The following DMD variants were observed in gnomAD, a reference collection of about 807,000 sequenced individuals.
DMD encodes mutant dystrophin.
Under a neutral mutation model 330.1 loss-of-function variants are expected in DMD, and 63 were observed. The ratio of observed to expected loss-of-function variants is 0.19; its 90% CI spans 0.16 to 0.24. The LOEUF is 0.24. DMD is among the 10% of genes least tolerant of loss of function. The pLI, the probability that DMD is intolerant of heterozygous loss-of-function variation, is 1.00. For missense variants in DMD, 3,344 were observed against 2,684.1 expected (o/e 1.25, Z -5.43); for synonymous variants, 1,223 against 959.8 (o/e 1.27, Z -5.07).
In DMD at chrX:33,268,151, G is replaced by A. The variant is rs144933573; in HGVS notation, c.7+71108C>T. Among the ~76,000 whole-genome samples the A allele has an allele frequency of 3.4e-3, 372 of 109,742 alleles. 2 individuals carry two copies. The highest frequency in any genetic ancestry group is 0.012 in the African/African-American group (353 of 30,102). Reference sequence around the variant, plus strand: ...ATTACAGGCGTCTGCCACCACACCCGGCTAATTTTTGTATTTTTGGTAGAG... The same window carrying A: ...ATTACAGGCGTCTGCCACCACACCCAGCTAATTTTTGTATTTTTGGTAGAG... On this transcript the variant is annotated intron_variant, in intron 1 of 17. Coordinates refer to the DMD transcript ENST00000288447.
rs138111612 is a variant in DMD, at chrX:32,675,018, C to T, written c.960+22852G>A. On this transcript the variant is annotated intron_variant, in intron 9 of 78. Coordinates refer to ENST00000357033, the MANE Select transcript of DMD (RefSeq NM_004006.3). The stretch of plus-strand genomic sequence containing the variant: ...TAATCAACAATCATTCTAATATGTA[C>T]TTATATCATCTTCAGTGCCGAATGT... Among the ~76,000 whole-genome samples, 4 of 111,471 alleles carry T rather than the reference C, an allele frequency of 3.6e-5. No homozygotes were observed. The South Asian group carries it at 1.1e-3, about 31-fold the overall frequency.
intron 2 of DMD, among the ~76,000 whole-genome samples, chrX:32,885,486 T>C (rs1430150003): frequency 9.0e-6 from 1 of 111,676 alleles, no homozygotes; most frequent in African/African-American, 3.2e-5. Context: ...TATATAAATA[T>C]AAAGAAAACA....
At chrX:33,317,434 A>T (rs1344938533) in intron 1 of DMD, among the ~76,000 whole-genome samples, 4 of 112,073 alleles carry the variant, frequency 3.6e-5, no homozygotes, top group African/African-American at 1.3e-4. Flanking sequence ...ATTTTAGAAA[A>T]TAACAGTGTT....
chrX:32,587,599 T>C (rs1202627362), intron 13 of DMD, among the ~76,000 whole-genome samples: 1 of 111,210 alleles, frequency 9.0e-6, no homozygotes, highest in Non-Finnish European at 1.9e-5. Context: ...TTGGGCAGTA[T>C]TTCCTTTTAT....
intron 54 of DMD, 122 bp downstream of exon 54, chrX:31,657,868 C>T (rs983653640): frequency 2.1e-5 from 15 of 708,065 alleles, no homozygotes; most frequent in African/African-American, 1.7e-4. Context: ...TGGTATTTAT[C>T]GTCTTGAACC....
intron 55 of DMD, among the ~76,000 whole-genome samples, chrX:31,578,801 T>C (rs775079398): frequency 1.1e-3 from 124 of 112,220 alleles, no homozygotes; most frequent in African/African-American, 3.8e-3. Flanking sequence ...GAAAAGTCAA[T>C]TGCTATTTAT....
At chrX:31,666,559 T>C (rs1220969001) in intron 53 of DMD, among the ~76,000 whole-genome samples, 2 of 112,200 alleles carry the variant, frequency 1.8e-5, no homozygotes, top group African/African-American at 6.5e-5. Flanking sequence ...AGTAGGGCAA[T>C]TCTAATACCT....
At chrX:33,217,808 C>A (rs2052085676) in intron 1 of DMD, among the ~76,000 whole-genome samples, 1 of 111,286 alleles carries the variant, frequency 9.0e-6, no homozygotes, top group Admixed American at 9.6e-5. Flanking sequence ...AAGACCTTAA[C>A]AAACTCATCA....
chrX:31,363,194 A>G (rs1487933871), intron 60 of DMD, among the ~76,000 whole-genome samples: 12 of 111,098 alleles, frequency 1.1e-4, no homozygotes, highest in Non-Finnish European at 1.1e-4. Context: ...AAAAAACAGA[A>G]TCTTTTAAAT....
At chrX:31,342,051 G>A (rs1017075669) in intron 61 of DMD, among the ~76,000 whole-genome samples, 1 of 110,775 alleles carries the variant, frequency 9.0e-6, no homozygotes, top group Non-Finnish European at 1.9e-5. Flanking sequence ...ATTGTTGGTT[G>A]TAAGTCATTA....
chrX:32,880,310 T>TA (rs1266873802), intron 2 of DMD, among the ~76,000 whole-genome samples: 1 of 109,792 alleles, frequency 9.1e-6, no homozygotes, highest in Non-Finnish European at 1.9e-5. Context: ...TTTTTCAGCT[T>TA]AGTCTTCTTA....
chrX:31,963,269 G>A (rs369684960), intron 45 of DMD, among the ~76,000 whole-genome samples: 3 of 111,706 alleles, frequency 2.7e-5, no homozygotes, highest in East Asian at 2.8e-4. Flanking sequence ...GTACATTTAC[G>A]AATGCCTCCC....
chrX:31,931,150 G>A (rs1320753677), intron 46 of DMD, among the ~76,000 whole-genome samples: 9 of 107,635 alleles, frequency 8.4e-5, no homozygotes. Context: ...TGTAAAATGA[G>A]GATAATAGCA....
At chrX:32,323,405 C>T (rs910645692) in intron 41 of DMD, among the ~76,000 whole-genome samples, 3 of 111,398 alleles carry the variant, frequency 2.7e-5, no homozygotes, top group Non-Finnish European at 5.7e-5. Context: ...CACCTTGTGT[C>T]GTTTGTGGTC....
chrX:31,483,238 G>A (rs1001725377), intron 57 of DMD, among the ~76,000 whole-genome samples: 14 of 108,111 alleles, frequency 1.3e-4, no homozygotes, highest in South Asian at 8.2e-4. Context: ...AGTAGAGACG[G>A]GGTTTCACCG....
At chrX:31,571,349 C>T (rs981574944) in intron 55 of DMD, among the ~76,000 whole-genome samples, 7 of 107,532 alleles carry the variant, frequency 6.5e-5, no homozygotes, top group African/African-American at 2.4e-4. Context: ...GGAAATTCAC[C>T]TCAGAGAATT....
chrX:31,319,477 A>C (rs2056272901), intron 62 of DMD, among the ~76,000 whole-genome samples: 1 of 112,601 alleles, frequency 8.9e-6, no homozygotes, highest in Non-Finnish European at 1.9e-5. Flanking sequence ...CGGTACATTT[A>C]TGGAACATAT....
At chrX:31,403,861 G>C (rs1157626284) in intron 60 of DMD, among the ~76,000 whole-genome samples, 1 of 111,763 alleles carries the variant, frequency 8.9e-6, no homozygotes, top group Admixed American at 9.6e-5. Context: ...GCATAGAAAT[G>C]ATTAGACATA....
chrX:33,067,995 C>T (rs912879270), intron 1 of DMD, among the ~76,000 whole-genome samples: 1 of 111,973 alleles, frequency 8.9e-6, no homozygotes, highest in African/African-American at 3.2e-5. Context: ...AACAATAGTG[C>T]CAACAAGTGC....
Sources: allele counts gnomAD v4.1 joint callset (sites outside exome capture counted in the v4.1 genomes callset), GRCh38; gene constraint gnomAD v4.1.1; transcripts MANE v1.5; gene names NCBI Gene and HGNC (gene_info 2026-07-23, HGNC 2026-07-21).